EPB41L4A: variants seen among roughly 807,000 people sequenced by gnomAD.
EPB41L4A encodes band 4.1-like protein 4A.
EPB41L4A carries 100 observed loss-of-function variants against 108.6 expected under a neutral mutation model. The ratio of observed to expected loss-of-function variants is 0.92; its 90% CI spans 0.78 to 1.09. The LOEUF (loss-of-function observed/expected upper bound fraction) is 1.09, where lower values mean the gene tolerates loss of function less well. EPB41L4A is among the 50% of genes least tolerant of loss of function. EPB41L4A has a pLI of 0.00. For synonymous variants in EPB41L4A, 319 were observed against 289.0 expected (o/e 1.10, Z -1.05); for missense variants, 1,030 against 842.7 (o/e 1.22, Z -2.75).
intron 1 of EPB41L4A, 148 bp downstream of exon 1, chr5:112,418,793 C>A (rs1762877482): frequency 1.7e-6 from 1 of 584,714 alleles, no homozygotes; most frequent in South Asian, 2.1e-5. Flanking sequence ...TCCACCCTCT[C>A]CCTGCGCGCA....
Position 112,275,375 on chromosome 5 carries a change from T to C in EPB41L4A, c.286A>G (p.Ile96Val), listed in dbSNP as rs1056602634. The C allele has an allele frequency of 3.2e-6, 5 of 1,554,790 alleles. No homozygotes were observed. The highest frequency in any genetic ancestry group is 4.4e-6 in the Non-Finnish European group (5 of 1,143,768). ...TGPPYTLYFG[I>V]KFYAEDPCKL... is the part of the protein sequence containing the mutation. Reference sequence around the variant, plus strand: ...CATGGATCTTCAGCATAGAATTTAATACCAAAATACAAAGTATATGGAGGT... The same window carrying C: ...CATGGATCTTCAGCATAGAATTTAACACCAAAATACAAAGTATATGGAGGT... The change falls in exon 4 of 23, where the codon ATT (isoleucine) becomes GTT (valine). Residue 96 changes from isoleucine (I) to valine (V), a missense_variant. Ile to Val is a conservative substitution (Grantham distance 29). Transcript: ENST00000261486.
chr5:112,312,981 T>C (rs1266669862), intron 1 of EPB41L4A, among the ~76,000 whole-genome samples: 2 of 152,152 alleles, frequency 1.3e-5, no homozygotes, highest in Non-Finnish European at 2.9e-5. Flanking sequence ...TCCTAGGATT[T>C]ATTACAGGAA....
chr5:112,415,632 T>C (rs1762667371), intron 1 of EPB41L4A, among the ~76,000 whole-genome samples: 1 of 152,158 alleles, frequency 6.6e-6, no homozygotes, highest in Non-Finnish European at 1.5e-5. Context: ...AAGAAAGTTA[T>C]CTACCTCCCT....
chr5:112,335,074 A>T (rs929365974), intron 1 of EPB41L4A, among the ~76,000 whole-genome samples: 1 of 152,178 alleles, frequency 6.6e-6, no homozygotes, highest in African/African-American at 2.4e-5. Flanking sequence ...TGTCAAGTAG[A>T]GGAACAAAGC....
chr5:112,264,921 T>C lies in EPB41L4A; in HGVS notation c.529A>G (p.Ile177Val), dbSNP rs61743759. 2.5e-3 allele frequency: 4,045 copies of C among 1,612,544 alleles called. 89 individuals carry two copies. The African/African-American group carries it at 0.043, about 17-fold the overall frequency. ...ATTAGAGTTTTATGAATCCTTTCTA[T>C]GGCTTCTTCAAGTTCTTCCTTCTGA... ...PDQKEELEEA[I>V]ERIHKTLMGQ... is the part of the protein sequence containing the mutation. The change falls in exon 6 of 23, where the codon ATA (isoleucine) becomes GTA (valine). Residue 177 changes from isoleucine (I) to valine (V), a missense_variant. Physicochemically the swap from Ile to Val is conservative, Grantham distance 29. Transcript: ENST00000261486.
At chr5:112,335,250 C>T (rs1561581142) in intron 1 of EPB41L4A, among the ~76,000 whole-genome samples, 1 of 152,148 alleles carries the variant, frequency 6.6e-6, no homozygotes, top group Non-Finnish European at 1.5e-5. Context: ...TCTATTAACA[C>T]CCAAGCACCA....
intron 18 of EPB41L4A, among the ~76,000 whole-genome samples, chr5:112,174,203 T>C (rs1368848907): frequency 6.6e-6 from 1 of 152,230 alleles, no homozygotes; most frequent in African/African-American, 2.4e-5. Context: ...AAGCTGCATG[T>C]TAATGAGGAA....
chr5:112,338,813 G>T (rs1206637616), intron 1 of EPB41L4A, among the ~76,000 whole-genome samples: 1 of 152,138 alleles, frequency 6.6e-6, no homozygotes, highest in African/African-American at 2.4e-5. Context: ...ATTGTCTGTG[G>T]CAGAGTCCAA....
Position 112,209,997 on chromosome 5 carries a change from G to A in EPB41L4A, c.1088-15C>T. ...GCTGTTTGATTCTAGCAGAGGAGGA[G>A]AAGGAAAGATGGAAGAGAGAGGAAA... On this transcript the variant is annotated splice_polypyrimidine_tract_variant and intron_variant, in intron 12 of 22. Transcript: ENST00000261486. The A allele has an allele frequency of 2.8e-6, 4 of 1,438,294 alleles. No homozygotes were observed. The highest frequency in any genetic ancestry group is 1.2e-5 in the South Asian group (1 of 83,312). 89.1% of individuals were successfully genotyped at this position (1,438,294 alleles called of 1,614,324 possible).
chr5:112,190,312 G>T (rs1027013158), intron 17 of EPB41L4A, among the ~76,000 whole-genome samples: 1 of 152,042 alleles, frequency 6.6e-6, no homozygotes, highest in Non-Finnish European at 1.5e-5. Flanking sequence ...AGTTTTAAGG[G>T]GGGGGTGTTA....
chr5:112,269,099 A>G (rs1342143169), intron 4 of EPB41L4A, among the ~76,000 whole-genome samples: 1 of 152,168 alleles, frequency 6.6e-6, no homozygotes, highest in Non-Finnish European at 1.5e-5. Flanking sequence ...CTTAATAAAT[A>G]CTTCTTGATT....
intron 12 of EPB41L4A, among the ~76,000 whole-genome samples, chr5:112,226,141 T>G (rs1748433598): frequency 1.3e-5 from 2 of 152,220 alleles, no homozygotes; most frequent in South Asian, 2.1e-4. Flanking sequence ...AGAGACATGG[T>G]ATTTCATGTG....
At chr5:112,242,587 G>T (rs73229365) in intron 9 of EPB41L4A, among the ~76,000 whole-genome samples, 2,003 of 152,230 alleles carry the variant, frequency 0.013, 40 homozygotes, top group African/African-American at 0.046. Context: ...TTGACCTCCT[G>T]CCATAAATCA....
intron 1 of EPB41L4A, among the ~76,000 whole-genome samples, chr5:112,360,242 G>A (rs1758631422): frequency 6.6e-6 from 1 of 152,270 alleles, no homozygotes; most frequent in Middle Eastern, 3.4e-3. Context: ...GGGCAACACA[G>A]CAAGACCCTG....
At chr5:112,203,711 C>T (rs1366135004) in intron 15 of EPB41L4A, among the ~76,000 whole-genome samples, 1 of 152,110 alleles carries the variant, frequency 6.6e-6, no homozygotes, top group African/African-American at 2.4e-5. Flanking sequence ...GTTTTGTCTT[C>T]TCAGGTAGAA....
intron 1 of EPB41L4A, among the ~76,000 whole-genome samples, chr5:112,350,244 G>T (rs1222226074): frequency 6.6e-6 from 1 of 152,150 alleles, no homozygotes; most frequent in African/African-American, 2.4e-5. Flanking sequence ...AACTTTAACT[G>T]CACAATGGAA....
chr5:112,205,115 G>C (rs1379767906), intron 14 of EPB41L4A, among the ~76,000 whole-genome samples: 1 of 152,118 alleles, frequency 6.6e-6, no homozygotes, highest in Non-Finnish European at 1.5e-5. Context: ...CTATGAAATG[G>C]GGAAAATTAT....
At chr5:112,214,437 A>G (rs1453049804) in intron 12 of EPB41L4A, among the ~76,000 whole-genome samples, 1 of 152,250 alleles carries the variant, frequency 6.6e-6, no homozygotes, top group African/African-American at 2.4e-5. Flanking sequence ...ACAAATAATC[A>G]TACAGTAAAC....
At chr5:112,198,241 T>C (rs1222870250) in intron 15 of EPB41L4A, among the ~76,000 whole-genome samples, 2 of 152,030 alleles carry the variant, frequency 1.3e-5, no homozygotes, top group Non-Finnish European at 2.9e-5. Context: ...CCATGTTGGG[T>C]AGGCTAGTCT....
Sources: allele counts gnomAD v4.1 joint callset (sites outside exome capture counted in the v4.1 genomes callset), GRCh38; gene constraint gnomAD v4.1.1; transcripts MANE v1.5; gene names NCBI Gene and HGNC (gene_info 2026-07-23, HGNC 2026-07-21).